The following DYNC1I1 variants were observed in gnomAD, a reference collection of about 807,000 sequenced individuals.
DYNC1I1 encodes the protein dynein cytoplasmic 1 intermediate chain 1, also known as cytoplasmic dynein 1 intermediate chain 1.
A neutral mutation model predicts 86.6 loss-of-function variants in DYNC1I1; 43 were observed. That is an observed-to-expected ratio of 0.50 (90% CI 0.39 to 0.64). The LOEUF (loss-of-function observed/expected upper bound fraction) is 0.64, where lower values mean the gene tolerates loss of function less well. Ranked by LOEUF, DYNC1I1 falls within the 30% of genes least tolerant of loss-of-function variation. DYNC1I1 has a pLI of 0.00. For missense variants in DYNC1I1, 604 were observed against 788.8 expected, an observed-to-expected ratio of 0.77 and a Z score of 2.81; for synonymous variants, 262 against 283.7, an observed-to-expected ratio of 0.92 and a Z score of 0.77.
chr7:96,024,688 T>C (rs547801260), intron 10 of DYNC1I1, among the ~76,000 whole-genome samples: 1 of 152,304 alleles, frequency 6.6e-6, no homozygotes, highest in South Asian at 2.1e-4. Context: ...GTGTTACTAA[T>C]AATTTTTTTA....
intron 6 of DYNC1I1, among the ~76,000 whole-genome samples, chr7:95,941,412 T>C (rs1250494177): frequency 6.6e-6 from 1 of 152,102 alleles, no homozygotes; most frequent in South Asian, 2.1e-4. Context: ...AGGTGGAGCC[T>C]ACAGAGGCAG....
chr7:95,787,041 T>C (rs987028856), intron 1 of DYNC1I1, among the ~76,000 whole-genome samples: 3 of 152,200 alleles, frequency 2.0e-5, no homozygotes, highest in Non-Finnish European at 4.4e-5. Context: ...AATCTTACTT[T>C]TGAGTGTCTA....
chr7:95,932,012 C>G (rs1468808435), intron 6 of DYNC1I1, among the ~76,000 whole-genome samples: 1 of 152,092 alleles, frequency 6.6e-6, no homozygotes, highest in Non-Finnish European at 1.5e-5. Flanking sequence ...ATAATTGTGT[C>G]TATTTTTACA....
chr7:95,985,121 C>T lies in DYNC1I1; in HGVS notation c.743+144C>T, dbSNP rs1269104873. ...AATTGATCTTGCTGAACAGCTTTGA[C>T]TATGGGCTTTGGTGATAACTTCTGG... is the stretch of plus-strand genomic sequence containing the variant. On this transcript the variant is annotated intron_variant, in intron 8 of 16. Transcript: ENST00000447467. 3.5e-6 allele frequency: 4 copies of T among 1,141,964 alleles called. No homozygotes were observed. The African/African-American group carries it at 6.4e-5, about 18-fold the overall frequency. The allele number at this position is 1,141,964 out of a possible 1,614,324, so 70.7% of individuals were successfully genotyped here. A position where few individuals can be genotyped will look rare whatever the true frequency, so the allele number is the denominator to read the frequency against.
At chr7:95,929,492 A>G (rs1442601251) in intron 6 of DYNC1I1, among the ~76,000 whole-genome samples, 2 of 152,204 alleles carry the variant, frequency 1.3e-5, no homozygotes, top group Admixed American at 1.3e-4. Context: ...CCTGGAAAGT[A>G]TGCTGCTCAT....
intron 4 of DYNC1I1, among the ~76,000 whole-genome samples, chr7:95,814,332 A>G (rs1794900693): frequency 6.6e-6 from 1 of 152,188 alleles, no homozygotes; most frequent in Admixed American, 6.5e-5. Context: ...TATGAACTCT[A>G]GCTTTGACTC....
chr7:95,811,926 C>A (rs936520392), intron 3 of DYNC1I1, among the ~76,000 whole-genome samples: 4 of 152,158 alleles, frequency 2.6e-5, no homozygotes, highest in Non-Finnish European at 5.9e-5. Flanking sequence ...CTCCCCTACC[C>A]TACATAAAGC....
At chr7:95,857,544 A>G (rs1178254982) in intron 5 of DYNC1I1, among the ~76,000 whole-genome samples, 1 of 152,158 alleles carries the variant, frequency 6.6e-6, no homozygotes, top group Non-Finnish European at 1.5e-5. Flanking sequence ...GCTTATTGAT[A>G]TTGAAGACTC....
At chr7:96,090,537 TA>T (rs1459819932) in intron 16 of DYNC1I1, among the ~76,000 whole-genome samples, 1 of 149,684 alleles carries the variant, frequency 6.7e-6, no homozygotes. Context: ...AAAAACGTGG[TA>T]AAAATAGTAA....
intron 6 of DYNC1I1, among the ~76,000 whole-genome samples, chr7:95,903,576 G>T (rs1033586632): frequency 6.6e-6 from 1 of 152,188 alleles, no homozygotes; most frequent in Non-Finnish European, 1.5e-5. Flanking sequence ...CAGCTTGTGG[G>T]AAAACCAACT....
At chr7:96,061,623 C>A (rs542047941) in intron 14 of DYNC1I1, among the ~76,000 whole-genome samples, 1 of 151,824 alleles carries the variant, frequency 6.6e-6, no homozygotes, top group Non-Finnish European at 1.5e-5. Flanking sequence ...CCGTTCACCC[C>A]CAGAGTGCTT....
chr7:95,795,301 T>TTTTAACTCTTCCATTTAATTCTTCCA (rs1554385733), intron 1 of DYNC1I1, among the ~76,000 whole-genome samples: 8 of 152,160 alleles, frequency 5.3e-5, no homozygotes, highest in African/African-American at 1.9e-4. Context: ...GACATTTCCA[T>TTTTAACTCTTCCATTTAATTCTTCCA]TTTAACTCTT....
chr7:95,942,140 A>G (rs1206977760), intron 6 of DYNC1I1, among the ~76,000 whole-genome samples: 1 of 152,254 alleles, frequency 6.6e-6, no homozygotes, highest in Non-Finnish European at 1.5e-5. Context: ...CTAATAAAGA[A>G]GAAAAGAGAG....
chr7:95,906,926 T>A (rs1330694636), intron 6 of DYNC1I1, among the ~76,000 whole-genome samples: 1 of 152,172 alleles, frequency 6.6e-6, no homozygotes, highest in African/African-American at 2.4e-5. Context: ...ATCTGAATAT[T>A]TATGAAAGAA....
At chr7:95,814,580 G>A (rs2690295) in intron 4 of DYNC1I1, among the ~76,000 whole-genome samples, 95,387 of 151,984 alleles carry the variant, frequency 0.63, 30,727 homozygotes, top group African/African-American at 0.76. Context: ...AAAGTGTACT[G>A]TTTCCACACA....
chr7:95,792,520 T>G (rs1403829754), intron 1 of DYNC1I1, among the ~76,000 whole-genome samples: 1 of 152,184 alleles, frequency 6.6e-6, no homozygotes, highest in African/African-American at 2.4e-5. Context: ...TACTCTTAGA[T>G]AATACTTGTT....
At chr7:96,027,958 T>G (rs1321385211) in intron 10 of DYNC1I1, among the ~76,000 whole-genome samples, 1 of 152,166 alleles carries the variant, frequency 6.6e-6, no homozygotes, top group African/African-American at 2.4e-5. Context: ...AATTTCAGAT[T>G]TCAAGCAGTA....
At chr7:96,107,872 T>TG (rs1453202198) in intron 16 of DYNC1I1, among the ~76,000 whole-genome samples, 1 of 138,102 alleles carries the variant, frequency 7.2e-6, no homozygotes, top group Non-Finnish European at 1.5e-5. Flanking sequence ...TTGACAGGTT[T>TG]TTTTTTTTTT....
intron 5 of DYNC1I1, among the ~76,000 whole-genome samples, chr7:95,840,653 AACCAC>A (rs1789256336): frequency 6.6e-6 from 1 of 152,190 alleles, no homozygotes; most frequent in South Asian, 2.1e-4. Context: ...TTTATAGAAC[AACCAC>A]CTCTCTTAGT....
Sources: allele counts gnomAD v4.1 joint callset (sites outside exome capture counted in the v4.1 genomes callset), GRCh38; gene constraint gnomAD v4.1.1; transcripts MANE v1.5; gene names NCBI Gene and HGNC (gene_info 2026-07-23, HGNC 2026-07-21).